Variants in CEP128 observed in about 807,000 individuals in gnomAD.
The protein encoded by CEP128 is centrosomal protein 128.
Under a neutral mutation model 156.7 loss-of-function variants are expected in CEP128, and 132 were observed. That is an observed-to-expected ratio of 0.84 (90% CI 0.73 to 0.97). The LOEUF is 0.97. Among genes scored for constraint, CEP128 ranks in the 50% least tolerant of loss-of-function variants. The pLI, the probability that CEP128 is intolerant of heterozygous loss-of-function variation, is 0.00. For synonymous variants in CEP128, 469 were observed against 448.9 expected (o/e 1.04, Z -0.57); for missense variants, 1,252 against 1,281.9 (o/e 0.98, Z 0.36).
At chr14:80,716,658 T>C (rs929723971) in intron 19 of CEP128, among the ~76,000 whole-genome samples, 1 of 152,190 alleles carries the variant, frequency 6.6e-6, no homozygotes, top group African/African-American at 2.4e-5. Context: ...CTGATGGACA[T>C]TCGGGTTGTT....
intron 2 of CEP128, among the ~76,000 whole-genome samples, chr14:80,929,576 T>C (rs1484271372): frequency 6.6e-6 from 1 of 152,204 alleles, no homozygotes; most frequent in African/African-American, 2.4e-5. Context: ...TGCAGCAACT[T>C]GGTTAGAACT....
intron 19 of CEP128, among the ~76,000 whole-genome samples, chr14:80,667,528 T>C (rs1341130392): frequency 2.6e-5 from 4 of 152,084 alleles, no homozygotes; most frequent in Non-Finnish European, 5.9e-5. Flanking sequence ...ATTTTAAAAA[T>C]GCTAAAAAGT....
intron 24 of CEP128, among the ~76,000 whole-genome samples, chr14:80,500,542 T>C (rs1237584876): frequency 1.3e-5 from 2 of 152,234 alleles, no homozygotes; most frequent in African/African-American, 4.8e-5. Context: ...CACTTGTCTT[T>C]GTAAGAATCA....
intron 23 of CEP128, among the ~76,000 whole-genome samples, chr14:80,520,374 G>A (rs1157494011): frequency 6.6e-6 from 1 of 151,922 alleles, no homozygotes; most frequent in Non-Finnish European, 1.5e-5. Context: ...AGCTGAGACT[G>A]TGCCACTGCA....
intron 23 of CEP128, 49 bp from the exon 24 acceptor site, chr14:80,505,069 C>T (rs1887910292): frequency 2.3e-6 from 2 of 882,956 alleles, no homozygotes; most frequent in African/African-American, 3.4e-5. Context: ...AGGTATGGAC[C>T]AAGGCTCATT....
In CEP128 at chr14:80,935,580, A is replaced by AAATG. The variant is rs1885740533; in HGVS notation, c.-16+3804_-16+3805insCATT. On this transcript the variant is annotated intron_variant, in intron 2 of 24. Transcript: ENST00000555265. ...TCAATAAATAAATAAATAAATAAAT[A>AAATG]AATAAATAAATAAATAAATAAAAAT... 4.1e-5 allele frequency among the ~76,000 whole-genome samples: 6 copies of AAATG among 146,978 alleles called. No homozygotes were observed. In the Admixed American group the frequency reaches 4.1e-4, roughly 10 times the overall value.
chr14:80,957,641 C>T (rs748202562), intron 2 of CEP128, among the ~76,000 whole-genome samples: 3 of 152,116 alleles, frequency 2.0e-5, no homozygotes, highest in Admixed American at 1.3e-4. Flanking sequence ...TGAAAAGGAA[C>T]TCGTAGACAT....
At chr14:80,683,921 CA>C (rs748491458) in intron 19 of CEP128, among the ~76,000 whole-genome samples, 7 of 151,850 alleles carry the variant, frequency 4.6e-5, no homozygotes, top group Non-Finnish European at 1.0e-4. Context: ...CACAACATAC[CA>C]AAACCTCTGA....
At chr14:80,525,576 T>C (rs1403352546) in intron 23 of CEP128, among the ~76,000 whole-genome samples, 2 of 152,214 alleles carry the variant, frequency 1.3e-5, no homozygotes, top group Non-Finnish European at 2.9e-5. Flanking sequence ...GCAGAAATGC[T>C]TGAGTTTGTA....
chr14:80,548,672 T>A (rs1890087954), intron 21 of CEP128, among the ~76,000 whole-genome samples: 1 of 152,222 alleles, frequency 6.6e-6, no homozygotes, highest in South Asian at 2.1e-4. Context: ...CTGTTCTTAA[T>A]ATTGTTTAGA....
intron 23 of CEP128, among the ~76,000 whole-genome samples, chr14:80,514,007 G>A (rs528258138): frequency 3.3e-5 from 5 of 151,992 alleles, no homozygotes; most frequent in African/African-American, 1.2e-4. Context: ...TGTCTCTAAG[G>A]GCAGCCACTA....
chr14:80,895,968 G>GC (rs934426753), intron 7 of CEP128, among the ~76,000 whole-genome samples, 178 bp from the exon 8 acceptor site: 49 of 152,022 alleles, frequency 3.2e-4, no homozygotes, highest in Middle Eastern at 3.4e-3. Context: ...GCTGGATCCC[G>GC]CCCCCCAGAT....
At chr14:80,829,666 T>C (rs1885676137) in intron 13 of CEP128, among the ~76,000 whole-genome samples, 1 of 152,226 alleles carries the variant, frequency 6.6e-6, no homozygotes, top group African/African-American at 2.4e-5. Context: ...GTGTCTGGCA[T>C]GTAACAGGCA....
chr14:80,864,761 C>T (rs1026957058), intron 8 of CEP128, among the ~76,000 whole-genome samples: 31 of 151,988 alleles, frequency 2.0e-4, no homozygotes, highest in African/African-American at 6.0e-4. Flanking sequence ...TTCACCATGT[C>T]GGCCAGGATG....
intron 13 of CEP128, among the ~76,000 whole-genome samples, chr14:80,796,695 C>T (rs1467602929): frequency 6.6e-6 from 1 of 152,172 alleles, no homozygotes; most frequent in African/African-American, 2.4e-5. Context: ...CCCACCTACA[C>T]AATACCCTCG....
Position 80,777,978 on chromosome 14 carries a change from C to T in CEP128, c.2280G>A (p.Gln760=). 1 of 1,613,426 alleles carries T rather than the reference C, an allele frequency of 6.2e-7. No individual in the cohort carries two copies. Among genetic ancestry groups the T allele is most frequent in the Non-Finnish European group, 8.5e-7 (1 of 1,179,640 alleles). The change falls in exon 16 of 25, where the codon CAG becomes CAA. Residue 760 remains glutamine, a synonymous_variant. Transcript: ENST00000555265. ...TTAATTCCTCTGTCAGTCTGTCACACTGTGATTTCAACTTCTCCAGCTGAC... is the reference window on the plus strand; with the variant it reads ...TTAATTCCTCTGTCAGTCTGTCACATTGTGATTTCAACTTCTCCAGCTGAC... ...HRGQLEKLKS[Q]CDRLTEELTQ...
At chr14:80,949,713 A>C (rs1214085994) in intron 2 of CEP128, among the ~76,000 whole-genome samples, 1 of 152,220 alleles carries the variant, frequency 6.6e-6, no homozygotes, top group Non-Finnish European at 1.5e-5. Flanking sequence ...AGTAATTTAC[A>C]TCTGACGACA....
chr14:80,649,638 G>A (rs1894809746), intron 19 of CEP128, among the ~76,000 whole-genome samples: 1 of 151,896 alleles, frequency 6.6e-6, no homozygotes, highest in African/African-American at 2.4e-5. Flanking sequence ...TCTTAGGAAT[G>A]GGGTAAAAAA....
intron 19 of CEP128, among the ~76,000 whole-genome samples, chr14:80,673,545 C>T (rs1007437371): frequency 3.0e-4 from 40 of 134,316 alleles, no homozygotes; most frequent in African/African-American, 8.8e-4. Flanking sequence ...ACTTGGGAGG[C>T]TGAGGCAGGA....
Sources: allele counts gnomAD v4.1 joint callset (sites outside exome capture counted in the v4.1 genomes callset), GRCh38; gene constraint gnomAD v4.1.1; transcripts MANE v1.5; gene names NCBI Gene and HGNC (gene_info 2026-07-23, HGNC 2026-07-21).